Variants in SNAPC1 observed in about 807,000 individuals in gnomAD.
SNAPC1 encodes snRNA-activating protein complex subunit 1.
Under a neutral mutation model 50.1 loss-of-function variants are expected in SNAPC1, and 42 were observed. The ratio of observed to expected loss-of-function variants is 0.84; its 90% confidence interval spans 0.65 to 1.08. The LOEUF (loss-of-function observed/expected upper bound fraction) is 1.08. SNAPC1 is among the 50% of genes least tolerant of loss of function. The pLI, the probability that SNAPC1 is intolerant of heterozygous loss-of-function variation, is 0.00. For missense variants in SNAPC1, 477 were observed against 427.3 expected (o/e 1.12, Z -1.02); for synonymous variants, 164 against 144.2 (o/e 1.14, Z -0.98).
chr14:61,777,941 A>G, intron 5 of SNAPC1, 131 bp from the exon 6 acceptor site: 1 of 539,090 alleles, frequency 1.9e-6, no homozygotes, highest in Non-Finnish European at 3.3e-6. Flanking sequence ...TAGGTGGTAT[A>G]TAATGTGAAT....
chr14:61,792,668 G>A (rs2045160946), intron 8 of SNAPC1, 139 bp from the exon 9 acceptor site: 6 of 439,594 alleles, frequency 1.4e-5, no homozygotes, highest in Middle Eastern at 6.3e-4. Context: ...TCTAGAATGC[G>A]TATTTCTGTT....
chr14:61,776,322 T>G, intron 5 of SNAPC1, 69 bp downstream of exon 5: 1 of 1,399,858 alleles, frequency 7.1e-7, no homozygotes, highest in Middle Eastern at 1.8e-4. Flanking sequence ...GATGATAATG[T>G]TGGGAGGCAG....
At chr14:61,766,169 A>G (rs149032831) in intron 1 of SNAPC1, among the ~76,000 whole-genome samples, 2 of 152,326 alleles carry the variant, frequency 1.3e-5, no homozygotes, top group South Asian at 2.1e-4. Context: ...AGCTCCCACA[A>G]TTTAGCCTAA....
At chr14:61,762,981 C>CTTTTTTTTTTTTTTTTTTTTTT (rs145378546) in intron 1 of SNAPC1, among the ~76,000 whole-genome samples, 1 of 72,992 alleles carries the variant, frequency 1.4e-5, no homozygotes, top group African/African-American at 5.3e-5. Flanking sequence ...CCAAAGTTGT[C>CTTTTTTTTTTTTTTTTTTTTTT]TTTTTTTTTT....
In SNAPC1 at chr14:61,795,670, T is replaced by C. The variant is rs2045184054; in HGVS notation, c.*687T>C. The C allele has an allele frequency of 6.6e-6, 1 of 152,008 alleles. No homozygotes were observed. The highest frequency in any genetic ancestry group is 2.4e-5 in the African/African-American group (1 of 41,408). 9.4% of individuals were successfully genotyped at this position (152,008 alleles called of 1,614,324 possible). A position where few individuals can be genotyped will look rare whatever the true frequency, so the allele number is the denominator to read the frequency against. The stretch of plus-strand genomic sequence containing the variant: ...AATAAAATCTTTAACAATAATAATG[T>C]AAATTTCAGAATGTGTCTCTGGTAC... On this transcript the variant is annotated 3_prime_UTR_variant, in exon 10 of 10. Coordinates refer to ENST00000216294, the MANE Select transcript of SNAPC1 (RefSeq NM_003082.4).
At chr14:61,762,757 C>T (rs1198357814) in intron 1 of SNAPC1, among the ~76,000 whole-genome samples, 169 bp downstream of exon 1, 1 of 152,088 alleles carries the variant, frequency 6.6e-6, no homozygotes, top group East Asian at 1.9e-4. Context: ...CGCGCTTTCC[C>T]TGCTCTATTT....
intron 9 of SNAPC1, 73 bp from the exon 10 acceptor site, chr14:61,794,876 G>GT (rs1285912718): frequency 1.0e-6 from 1 of 963,010 alleles, no homozygotes; most frequent in East Asian, 2.4e-5. Context: ...TATCATGTAA[G>GT]TGTCAGTTGT....
At chr14:61,766,643 C>T (rs896194513) in intron 1 of SNAPC1, among the ~76,000 whole-genome samples, 1 of 152,218 alleles carries the variant, frequency 6.6e-6, no homozygotes, top group Non-Finnish European at 1.5e-5. Context: ...CCCCTTCCTT[C>T]TTGCTCTTCA....
intron 4 of SNAPC1, among the ~76,000 whole-genome samples, chr14:61,775,596 TG>T (rs143142200): frequency 2.6e-5 from 4 of 152,258 alleles, no homozygotes; most frequent in African/African-American, 7.2e-5. Flanking sequence ...GCTGAAGCAA[TG>T]GGGAAGCTTA....
At chr14:61,784,176 T>G (rs892094880) in intron 8 of SNAPC1, among the ~76,000 whole-genome samples, 3 of 152,126 alleles carry the variant, frequency 2.0e-5, no homozygotes, top group African/African-American at 7.2e-5. Flanking sequence ...GATCAAGAAA[T>G]AGTTCAAAAG....
chr14:61,776,854 A>G lies in SNAPC1; in HGVS notation c.693+601A>G, dbSNP rs558852411. Among the ~76,000 whole-genome samples, 42 of 152,272 alleles carry G rather than the reference A, an allele frequency of 2.8e-4. No homozygotes were observed. In the East Asian group the frequency reaches 6.0e-3, roughly 22 times the overall value. Reference sequence around the variant, plus strand: ...CTTTTTGCAAGTCTCATCAACACAGATCTTCAACTTAGTTTATTTAACCAA... The same window carrying G: ...CTTTTTGCAAGTCTCATCAACACAGGTCTTCAACTTAGTTTATTTAACCAA... On this transcript the variant is annotated intron_variant, in intron 5 of 9. Transcript: ENST00000216294.
chr14:61,790,692 A>G (rs2045145972), intron 8 of SNAPC1, among the ~76,000 whole-genome samples: 1 of 152,122 alleles, frequency 6.6e-6, no homozygotes, highest in Non-Finnish European at 1.5e-5. Context: ...CCTTCTAGAT[A>G]ATACATAGCA....
chr14:61,766,984 G>A lies in SNAPC1; in HGVS notation c.237G>A (p.Leu79=). 6.2e-7 allele frequency: 1 copy of A among 1,611,174 alleles called. No individual in the cohort carries two copies. Among genetic ancestry groups the A allele is most frequent in the Non-Finnish European group, 8.5e-7 (1 of 1,177,544 alleles). The change falls in exon 2 of 10, where the codon TTG becomes TTA. Residue 79 remains leucine (L), a synonymous_variant. Transcript: ENST00000216294. ...CCTTCCAGATCAGAGTTGGTGCTTT[G>A]TATCTGCTATATGGATTATATAATA... ...PYTFQIRVGA[L]YLLYGLYNTQ... is the part of the protein sequence containing the mutation.
At chr14:61,777,596 A>G (rs1594647353) in intron 5 of SNAPC1, among the ~76,000 whole-genome samples, 1 of 147,872 alleles carries the variant, frequency 6.8e-6, no homozygotes, top group African/African-American at 2.5e-5. Context: ...CAGGGATAGA[A>G]CCAGTTTAGT....
Position 61,783,083 on chromosome 14 carries a change from C to T in SNAPC1, c.976+686C>T, listed in dbSNP as rs371115026. ...TGTTGCCCAGGCCGGAGTGCAATGGCACGATCTTGGCTCACTGCAACCTCC... is the reference window on the plus strand; with the variant it reads ...TGTTGCCCAGGCCGGAGTGCAATGGTACGATCTTGGCTCACTGCAACCTCC... On this transcript the variant is annotated intron_variant, in intron 8 of 9. Transcript: ENST00000216294. Among the ~76,000 whole-genome samples, 4 of 135,256 alleles carry T rather than the reference C, an allele frequency of 3.0e-5. No homozygotes were observed. In the East Asian group the frequency reaches 6.6e-4, roughly 22 times the overall value. 88.7% of individuals were successfully genotyped at this position (135,256 alleles called of 152,430 possible).
At chr14:61,790,365 T>TTGC (rs1338809218) in intron 8 of SNAPC1, among the ~76,000 whole-genome samples, 3 of 152,206 alleles carry the variant, frequency 2.0e-5, no homozygotes, top group African/African-American at 7.2e-5. Context: ...AGATGGAGTG[T>TTGC]TGCTCTGTCA....
chr14:61,774,194 G>T (rs2045017022), intron 4 of SNAPC1, among the ~76,000 whole-genome samples: 1 of 146,788 alleles, frequency 6.8e-6, no homozygotes, highest in Non-Finnish European at 1.5e-5. Context: ...AAAGGTGGGG[G>T]TCTTGCTGTG....
intron 7 of SNAPC1, among the ~76,000 whole-genome samples, chr14:61,781,274 G>T (rs1049167937): frequency 6.6e-6 from 1 of 151,614 alleles, no homozygotes; most frequent in Non-Finnish European, 1.5e-5. Context: ...ACGGTGAAAC[G>T]CTATCTCTAC....
chr14:61,762,772 G>T (rs2044916338), intron 1 of SNAPC1, among the ~76,000 whole-genome samples, 184 bp downstream of exon 1: 1 of 151,920 alleles, frequency 6.6e-6, no homozygotes, highest in South Asian at 2.1e-4. Flanking sequence ...CTATTTCATT[G>T]TGCCCTGATG....
Sources: allele counts gnomAD v4.1 joint callset (sites outside exome capture counted in the v4.1 genomes callset), GRCh38; gene constraint gnomAD v4.1.1; transcripts MANE v1.5; gene names NCBI Gene and HGNC (gene_info 2026-07-23, HGNC 2026-07-21).